SINHCAF: variants seen among roughly 807,000 people sequenced by gnomAD.
SINHCAF encodes SIN3-HDAC complex-associated factor.
In SINHCAF, 3 loss-of-function variants were observed where a neutral mutation model predicts 25.8. The observed-to-expected ratio is 0.12, with a 90% CI of 0.05 to 0.30. The LOEUF is 0.30. Ranked by LOEUF, SINHCAF falls within the 10% of genes least tolerant of loss-of-function variation. The probability of loss-of-function intolerance (pLI) is 1.00; values close to 1 mark genes in which losing one functional copy is unlikely to be tolerated. For synonymous variants in SINHCAF, 70 were observed against 85.5 expected (o/e 0.82, Z 1.00); for missense variants, 121 against 262.3 (o/e 0.46, Z 3.72).
Position 31,324,856 on chromosome 12 carries a change from CGGAGT to C in SINHCAF, c.-21+1163_-21+1167del. ...TGCAGTGTCCTTGATGAGAAACGCC[CGGAGT>C]ATCCGCCCCGCACGGGCGGAGAGTT... On this transcript the variant is annotated intron_variant, in intron 1 of 5. Transcript: ENST00000337682. The surrounding 1 kb of genome is among the most constrained non-coding windows in gnomAD (Gnocchi z 5.5). 2.4e-6 allele frequency: 1 copy of C among 415,720 alleles called. No individual in the cohort carries two copies. The highest frequency in any genetic ancestry group is 1.7e-5 in the South Asian group (1 of 58,908). The allele number at this position is 415,720 out of a possible 1,614,324, so 25.8% of individuals were successfully genotyped here.
At chr12:31,285,418 T>TACACAC (rs71444392) in intron 5 of SINHCAF, among the ~76,000 whole-genome samples, 33,807 of 141,138 alleles carry the variant, frequency 0.24, 4,334 homozygotes, top group South Asian at 0.35. Context: ...TATATATACA[T>TACACAC]ACACACACAC....
intron 1 of SINHCAF, among the ~76,000 whole-genome samples, chr12:31,320,625 T>C (rs1042128500): frequency 6.6e-6 from 1 of 152,128 alleles, no homozygotes; most frequent in Non-Finnish European, 1.5e-5. Context: ...GAATGGGAAA[T>C]GGTGTCTACA....
At chr12:31,284,179 T>C (rs1163492878) in intron 5 of SINHCAF, among the ~76,000 whole-genome samples, 1 of 152,244 alleles carries the variant, frequency 6.6e-6, no homozygotes, top group East Asian at 1.9e-4. Context: ...AGTGTTCTCA[T>C]CATTCCATAC....
At chr12:31,307,230 C>T (rs80239496) in intron 1 of SINHCAF, among the ~76,000 whole-genome samples, 1,736 of 152,102 alleles carry the variant, frequency 0.011, 16 homozygotes, top group East Asian at 0.037. Context: ...CCAAGTATAC[C>T]GTCATTCTCT....
rs764509257 is a variant in SINHCAF at position 31,298,323 on chromosome 12, G to A, written c.-20-99C>T. 6 of 1,405,962 alleles carry A rather than the reference G, an allele frequency of 4.3e-6. No individual in the cohort carries two copies. The Admixed American group carries it at 1.0e-4, about 24-fold the overall frequency. The allele number at this position is 1,405,962 out of a possible 1,614,324, so 87.1% of individuals were successfully genotyped here. On this transcript the variant is annotated intron_variant, in intron 1 of 5. Coordinates refer to ENST00000337682, the MANE Select transcript of SINHCAF (RefSeq NM_001135812.2). ...CCACCCCACCCCCAAGCAACTTGGTGTTATATGACCAAGACAGGCAGGCAG... is the reference window on the plus strand; with the variant it reads ...CCACCCCACCCCCAAGCAACTTGGTATTATATGACCAAGACAGGCAGGCAG...
chr12:31,291,621 G>A (rs1938322873), intron 4 of SINHCAF, among the ~76,000 whole-genome samples: 2 of 152,156 alleles, frequency 1.3e-5, no homozygotes, highest in African/African-American at 4.8e-5. Flanking sequence ...AAAATTAGCT[G>A]GGTGTGGTGG....
chr12:31,312,442 C>T (rs1225947799), intron 1 of SINHCAF, among the ~76,000 whole-genome samples: 2 of 152,104 alleles, frequency 1.3e-5, no homozygotes, highest in African/African-American at 4.8e-5. Flanking sequence ...TTCAGTAGAT[C>T]TTGCTAAACT....
intron 4 of SINHCAF, among the ~76,000 whole-genome samples, chr12:31,288,272 G>T (rs1229448469): frequency 6.6e-6 from 1 of 152,116 alleles, no homozygotes; most frequent in Non-Finnish European, 1.5e-5. Flanking sequence ...AAAGAACTAG[G>T]AAAAGGGCAG....
intron 1 of SINHCAF, among the ~76,000 whole-genome samples, chr12:31,314,303 TCAC>T (rs201632999): frequency 0.011 from 1,738 of 151,600 alleles, 22 homozygotes; most frequent in Admixed American, 0.03. Context: ...GGCGGGCGGA[TCAC>T]GAGGTCACAA....
chr12:31,318,795 A>G (rs2137135441), intron 1 of SINHCAF, among the ~76,000 whole-genome samples: 1 of 152,324 alleles, frequency 6.6e-6, no homozygotes, highest in South Asian at 2.1e-4. Context: ...ATATAACCAT[A>G]CTTGGGTCTG....
chr12:31,300,250 T>C (rs1938731070), intron 1 of SINHCAF, among the ~76,000 whole-genome samples: 1 of 152,216 alleles, frequency 6.6e-6, no homozygotes, highest in Admixed American at 6.5e-5. Context: ...TTTTTAAAAC[T>C]TTTATTAGCA....
intron 1 of SINHCAF, among the ~76,000 whole-genome samples, chr12:31,300,603 CAT>C (rs1199186385): frequency 6.6e-6 from 1 of 152,048 alleles, no homozygotes; most frequent in Non-Finnish European, 1.5e-5. Flanking sequence ...ACAACAAACC[CAT>C]ATGATAACTG....
In SINHCAF at chr12:31,324,972, G is replaced by A; in HGVS notation, c.-21+1052C>T. On this transcript the variant is annotated intron_variant, in intron 1 of 5. Transcript: ENST00000337682. The surrounding 1 kb of genome is among the most constrained non-coding windows in gnomAD (Gnocchi z 5.5). ...CTGCCGGCCGGACCTGCCCGACGGC[G>A]GCCGCATCCCACGGCTCACGCGGGG... The A allele has an allele frequency of 2.2e-6, 1 of 456,606 alleles. No individual in the cohort carries two copies. The highest frequency in any genetic ancestry group is 4.4e-6 in the Non-Finnish European group (1 of 226,878). 28.3% of individuals were successfully genotyped at this position (456,606 alleles called of 1,614,324 possible).
chr12:31,302,524 TCAAA>T (rs1251236895), intron 1 of SINHCAF, among the ~76,000 whole-genome samples: 4 of 150,504 alleles, frequency 2.7e-5, no homozygotes, highest in Admixed American at 6.7e-5. Flanking sequence ...GGAATCTCAA[TCAAA>T]CAAAGTTTAT....
chr12:31,282,035 T>C lies in SINHCAF; in HGVS notation c.*677A>G, dbSNP rs1275732980. On this transcript the variant is annotated 3_prime_UTR_variant, in exon 6 of 6. Coordinates refer to ENST00000337682, the MANE Select transcript of SINHCAF (RefSeq NM_001135812.2). Reference sequence around the variant, plus strand: ...GGGGCAAGTTCATGTTACTGAGTTATGACAAATTTATTATCATGAGGGAAA... The same window carrying C: ...GGGGCAAGTTCATGTTACTGAGTTACGACAAATTTATTATCATGAGGGAAA... 1.3e-5 allele frequency: 2 copies of C among 152,596 alleles called. No individual in the cohort carries two copies. The highest frequency in any genetic ancestry group is 2.9e-5 in the Non-Finnish European group (2 of 68,030). The allele number at this position is 152,596 out of a possible 1,614,324, so 9.5% of individuals were successfully genotyped here.
At chr12:31,296,727 T>C (rs1938564283) in intron 2 of SINHCAF, among the ~76,000 whole-genome samples, 1 of 152,010 alleles carries the variant, frequency 6.6e-6, no homozygotes, top group Non-Finnish European at 1.5e-5. Context: ...TGGTAGTACA[T>C]GCCTGTAGTC....
chr12:31,289,614 G>A (rs575163392), intron 4 of SINHCAF, among the ~76,000 whole-genome samples: 1 of 152,252 alleles, frequency 6.6e-6, no homozygotes, highest in South Asian at 2.1e-4. Flanking sequence ...CCACGTCACA[G>A]CAAGAGCAGT....
At chr12:31,313,641 TTTTG>T (rs752380578) in intron 1 of SINHCAF, among the ~76,000 whole-genome samples, 45 of 152,260 alleles carry the variant, frequency 3.0e-4, no homozygotes, top group African/African-American at 4.6e-4. Context: ...TTAAATGTTT[TTTTG>T]TTTGTTTGTT....
intron 5 of SINHCAF, among the ~76,000 whole-genome samples, chr12:31,284,846 T>C (rs1565487607): frequency 6.6e-6 from 1 of 152,218 alleles, no homozygotes; most frequent in Non-Finnish European, 1.5e-5. Flanking sequence ...TTAATTACCA[T>C]GGCTTCATAA....
Sources: gnomAD v4.1 joint callset for allele counts (sites outside exome capture counted in the v4.1 genomes callset) on GRCh38, gnomAD v4.1.1 for gene constraint, Gnocchi (gnomAD v3.1) non-coding constraint, MANE v1.5 for transcripts, NCBI Gene and HGNC (gene_info 2026-07-23, HGNC 2026-07-21) for gene names.